GOLGA4: variants seen among roughly 807,000 people sequenced by gnomAD.
The protein encoded by GOLGA4 is golgin subfamily A member 4.
Under a neutral mutation model 265.9 loss-of-function variants are expected in GOLGA4, and 169 were observed. The ratio of observed to expected loss-of-function variants is 0.64; its 90% confidence interval spans 0.56 to 0.72. The LOEUF (loss-of-function observed/expected upper bound fraction) is 0.72, where lower values mean the gene tolerates loss of function less well. Ranked by LOEUF, GOLGA4 falls within the 30% of genes least tolerant of loss-of-function variation. GOLGA4 has a pLI of 0.00. For synonymous variants in GOLGA4, 923 were observed against 855.8 expected, an observed-to-expected ratio of 1.08 and a Z score of -1.37; for missense variants, 2,482 against 2,483.4, an observed-to-expected ratio of 1.00 and a Z score of 0.01.
intron 21 of GOLGA4, among the ~76,000 whole-genome samples, chr3:37,353,132 C>G (rs1559470371): frequency 6.6e-6 from 1 of 152,002 alleles, no homozygotes; most frequent in African/African-American, 2.4e-5. Flanking sequence ...CTTATATGGG[C>G]ATGGTTTGTG....
intron 21 of GOLGA4, among the ~76,000 whole-genome samples, chr3:37,354,169 T>C (rs531691077): frequency 2.2e-4 from 33 of 152,178 alleles, no homozygotes; most frequent in African/African-American, 7.7e-4. Flanking sequence ...AACTATATTA[T>C]CTTTTCCTTA....
At chr3:37,315,382 T>A in intron 10 of GOLGA4, 38 bp from the exon 11 acceptor site, 1 of 1,539,166 alleles carries the variant, frequency 6.5e-7, no homozygotes, top group South Asian at 1.2e-5. Context: ...AATGATAATA[T>A]TTCTTGAGAT....
At chr3:37,321,999 C>A in intron 13 of GOLGA4, 113 bp downstream of exon 13, 1 of 801,082 alleles carries the variant, frequency 1.2e-6, no homozygotes, top group Non-Finnish European at 2.0e-6. Flanking sequence ...TTTATGTATA[C>A]ATGCCCTTCA....
chr3:37,364,498 TC>T (rs1696592777), intron 23 of GOLGA4, among the ~76,000 whole-genome samples: 1 of 151,972 alleles, frequency 6.6e-6, no homozygotes, highest in South Asian at 2.1e-4. Context: ...TGCCTTGGCC[TC>T]CCATAGTGCT....
At chr3:37,273,072 T>C (rs1299604740) in intron 2 of GOLGA4, among the ~76,000 whole-genome samples, 1 of 152,254 alleles carries the variant, frequency 6.6e-6, no homozygotes, top group Non-Finnish European at 1.5e-5. Flanking sequence ...TTCAAATGAA[T>C]GAGACATTAC....
chr3:37,243,947 C>T lies in GOLGA4; in HGVS notation c.72+325C>T, dbSNP rs558482988. On this transcript the variant is annotated intron_variant, in intron 1 of 23. Transcript: ENST00000361924. ...ATTTCTGATCCATATTTGAGGTTTTCCCACTCATCTGAGACCCCACGCTGG... is the reference window on the plus strand; with the variant it reads ...ATTTCTGATCCATATTTGAGGTTTTTCCACTCATCTGAGACCCCACGCTGG... The T allele has an allele frequency of 5.3e-5, 17 of 319,604 alleles. No homozygotes were observed. The East Asian group carries it at 1.1e-3, about 20-fold the overall frequency. The allele number at this position is 319,604 out of a possible 1,614,324, so 19.8% of individuals were successfully genotyped here. A position where few individuals can be genotyped will look rare whatever the true frequency, so the allele number is the denominator to read the frequency against.
chr3:37,291,705 C>A (rs2096865131), intron 5 of GOLGA4, among the ~76,000 whole-genome samples: 1 of 152,168 alleles, frequency 6.6e-6, no homozygotes, highest in Admixed American at 6.5e-5. Context: ...TGCAACTCTA[C>A]CTAAATTTTT....
In GOLGA4 at chr3:37,253,511, G is replaced by A. The variant is rs550797560; in HGVS notation, c.162+2027G>A. Among the ~76,000 whole-genome samples the A allele has an allele frequency of 2.4e-3, 370 of 152,080 alleles. 2 individuals carry two copies. The highest frequency in any genetic ancestry group is 3.4e-3 in the Non-Finnish European group (231 of 68,024). Reference sequence around the variant, plus strand: ...AAAAAAGCTTAAAAAGCAAGGAGATGAAGTGATGACAATGCTTTGTCATTC... The same window carrying A: ...AAAAAAGCTTAAAAAGCAAGGAGATAAAGTGATGACAATGCTTTGTCATTC... On this transcript the variant is annotated intron_variant, in intron 2 of 23. Coordinates refer to ENST00000361924, the MANE Select transcript of GOLGA4 (RefSeq NM_002078.5).
At chr3:37,254,371 C>T (rs911327832) in intron 2 of GOLGA4, among the ~76,000 whole-genome samples, 18 of 152,044 alleles carry the variant, frequency 1.2e-4, no homozygotes, top group Non-Finnish European at 2.1e-4. Context: ...GTGTATATGA[C>T]ATGAACTTTG....
intron 10 of GOLGA4, among the ~76,000 whole-genome samples, chr3:37,307,089 A>G (rs1158435738): frequency 6.6e-6 from 1 of 152,186 alleles, no homozygotes; most frequent in Admixed American, 6.5e-5. Flanking sequence ...AGATTAGGGA[A>G]GTTTCTAGAG....
chr3:37,358,647 G>T (rs1559475601), intron 22 of GOLGA4, among the ~76,000 whole-genome samples: 1 of 152,316 alleles, frequency 6.6e-6, no homozygotes, highest in East Asian at 1.9e-4. Flanking sequence ...ATAATGTAGG[G>T]ATGGTGGTGA....
In GOLGA4 at chr3:37,328,538, G is replaced by A. The variant is rs780634186; in HGVS notation, c.6061+1G>A. ...GAAATGACCATAAAAGAAACTATCA[G>A]TAAGTAAAATTAAGTTCCATAAGGA... is the stretch of plus-strand genomic sequence containing the variant. On this transcript the variant is annotated splice_donor_variant, in intron 15 of 23. Transcript: ENST00000361924. LOFTEE classifies it high-confidence loss of function. 1 of 1,608,594 alleles carries A rather than the reference G, an allele frequency of 6.2e-7. No homozygotes were observed. The highest frequency in any genetic ancestry group is 1.3e-5 in the African/African-American group (1 of 74,638).
intron 2 of GOLGA4, chr3:37,276,428 A>G (rs1578456995): frequency 6.2e-7 from 1 of 1,608,928 alleles, no homozygotes; most frequent in East Asian, 2.2e-5. Context: ...AGAAGCCATC[A>G]GAGAGCATCA....
chr3:37,341,122 A>G (rs531821336), intron 20 of GOLGA4, among the ~76,000 whole-genome samples: 2 of 152,032 alleles, frequency 1.3e-5, no homozygotes, highest in Non-Finnish European at 2.9e-5. Flanking sequence ...AGCCAAGATC[A>G]TGCCATTGCA....
chr3:37,337,783 ATGTACT>A, intron 19 of GOLGA4, 49 bp downstream of exon 19: 1 of 1,159,648 alleles, frequency 8.6e-7, no homozygotes, highest in African/African-American at 1.5e-5. Flanking sequence ...TTTCGTTAAT[ATGTACT>A]TGGATCTCAG....
At chr3:37,273,072 T>TGAGA (rs1442660082) in intron 2 of GOLGA4, among the ~76,000 whole-genome samples, 1 of 152,254 alleles carries the variant, frequency 6.6e-6, no homozygotes, top group Non-Finnish European at 1.5e-5. Flanking sequence ...TTCAAATGAA[T>TGAGA]GAGACATTAC....
intron 2 of GOLGA4, 96 bp downstream of exon 2, chr3:37,251,580 G>T: frequency 1.4e-6 from 1 of 702,258 alleles, no homozygotes; most frequent in Admixed American, 2.6e-5. Context: ...TGACAGGTCA[G>T]CTATTTAATT....
chr3:37,311,498 T>G (rs532585455), intron 10 of GOLGA4, among the ~76,000 whole-genome samples: 1 of 152,234 alleles, frequency 6.6e-6, no homozygotes, highest in Non-Finnish European at 1.5e-5. Flanking sequence ...TTCTTAGTTT[T>G]TAAAAATATG....
At chr3:37,306,023 G>T (rs113227914) in intron 10 of GOLGA4, among the ~76,000 whole-genome samples, 2,561 of 152,208 alleles carry the variant, frequency 0.017, 31 homozygotes, top group East Asian at 0.031. Flanking sequence ...TAAACAGAAT[G>T]ATTGTTTATT....
Sources: gnomAD v4.1 joint callset for allele counts (sites outside exome capture counted in the v4.1 genomes callset) on GRCh38, gnomAD v4.1.1 for gene constraint, MANE v1.5 for transcripts, NCBI Gene and HGNC (gene_info 2026-07-23, HGNC 2026-07-21) for gene names.